RASEF: variants seen among roughly 807,000 people sequenced by gnomAD.
RASEF encodes ras and EF-hand domain-containing protein.
Under a neutral mutation model 90.1 loss-of-function variants are expected in RASEF, and 68 were observed. That is an observed-to-expected ratio of 0.75 (90% CI 0.62 to 0.92). The LOEUF is 0.92. RASEF is among the 40% of genes least tolerant of loss of function. RASEF has a pLI of 0.00. For missense variants in RASEF, 949 were observed against 937.2 expected (o/e 1.01, Z -0.16); for synonymous variants, 331 against 345.2 (o/e 0.96, Z 0.46).
At chr9:83,044,787 G>T (rs1004084696) in intron 1 of RASEF, among the ~76,000 whole-genome samples, 4 of 152,180 alleles carry the variant, frequency 2.6e-5, no homozygotes, top group Non-Finnish European at 4.4e-5. Context: ...GCTTAAACAT[G>T]TGAGTATGTT....
the RASEF span, among the ~76,000 whole-genome samples, chr9:83,097,094 C>T: frequency 5.3e-5 from 8 of 152,100 alleles, no homozygotes; most frequent in Non-Finnish European, 2.9e-5. Flanking sequence ...AATAAACATA[C>T]GTGTGCATGT....
At chr9:83,162,522 T>C in the RASEF span, among the ~76,000 whole-genome samples, 2 of 152,200 alleles carry the variant, frequency 1.3e-5, no homozygotes, top group African/African-American at 2.4e-5. Flanking sequence ...TCTACAAATA[T>C]AAAAATTAAT....
chr9:83,109,288 A>C, the RASEF span, among the ~76,000 whole-genome samples: 1 of 151,848 alleles, frequency 6.6e-6, no homozygotes, highest in African/African-American at 2.4e-5. Context: ...ATTATTTTAT[A>C]AATGGTTTAG....
chr9:82,992,929 G>T lies in RASEF; in HGVS notation c.2017C>A (p.His673Asn), dbSNP rs756792981. ...ATEGQKCVPG[H>N]FGEKLAMTYG... The stretch of plus-strand genomic sequence containing the variant: ...ACCATGGCCAGTTTCTCTCCAAAGT[G>T]CCCTGGGACACATTTTTGTCCCTCT... The change falls in exon 15 of 17, where the codon CAC (histidine) becomes AAC (asparagine). Residue 673 changes from histidine (H) to asparagine (N), a missense_variant. Coordinates refer to ENST00000376447, the MANE Select transcript of RASEF (RefSeq NM_152573.4). 4.3e-6 allele frequency: 7 copies of T among 1,613,594 alleles called. No individual in the cohort carries two copies. In the Admixed American group the frequency reaches 5.0e-5, roughly 12 times the overall value.
the RASEF span, among the ~76,000 whole-genome samples, chr9:83,147,777 T>C: frequency 2.6e-5 from 4 of 151,620 alleles, no homozygotes; most frequent in Non-Finnish European, 4.4e-5. Flanking sequence ...ATTCAGGAGG[T>C]TTTATTGAGT....
intron 14 of RASEF, among the ~76,000 whole-genome samples, chr9:82,993,363 A>G (rs1239517856): frequency 6.6e-6 from 1 of 152,202 alleles, no homozygotes; most frequent in Non-Finnish European, 1.5e-5. Flanking sequence ...TTTATGGCAA[A>G]GGAAACACAT....
chr9:83,193,492 G>A, the RASEF span, among the ~76,000 whole-genome samples: 5 of 152,184 alleles, frequency 3.3e-5, no homozygotes, highest in African/African-American at 1.2e-4. Context: ...GTTTTAGAGA[G>A]AAAATCCATT....
At chr9:83,175,975 T>A in the RASEF span, among the ~76,000 whole-genome samples, 134 of 152,354 alleles carry the variant, frequency 8.8e-4, no homozygotes, top group African/African-American at 3.0e-3. Context: ...AGAATGTGTA[T>A]TCTGCTTTTG....
At chr9:83,164,497 T>C in the RASEF span, among the ~76,000 whole-genome samples, 2 of 149,840 alleles carry the variant, frequency 1.3e-5, no homozygotes, top group African/African-American at 2.4e-5. Context: ...AAGGTGGACA[T>C]GGATTAGTTG....
intron 1 of RASEF, among the ~76,000 whole-genome samples, chr9:83,026,691 A>T (rs1829555869): frequency 6.6e-6 from 1 of 152,190 alleles, no homozygotes; most frequent in Non-Finnish European, 1.5e-5. Context: ...ACAGCAATGA[A>T]TATACCTATT....
intron 1 of RASEF, among the ~76,000 whole-genome samples, chr9:83,030,411 C>A (rs1233843989): frequency 6.6e-6 from 1 of 151,540 alleles, no homozygotes. Flanking sequence ...GCTATCTGTA[C>A]AACATCAAAA....
At chr9:83,146,142 A>C in the RASEF span, among the ~76,000 whole-genome samples, 1 of 151,398 alleles carries the variant, frequency 6.6e-6, no homozygotes, top group Non-Finnish European at 1.5e-5. Context: ...CTCAAAAGAC[A>C]TCCATATAAA....
intron 2 of RASEF, among the ~76,000 whole-genome samples, chr9:83,024,063 C>T (rs1216616215): frequency 6.6e-6 from 1 of 152,154 alleles, no homozygotes; most frequent in Non-Finnish European, 1.5e-5. Flanking sequence ...CAAAACCCTC[C>T]CCCAATTAAA....
At chr9:83,131,026 G>A in the RASEF span, among the ~76,000 whole-genome samples, 1 of 152,142 alleles carries the variant, frequency 6.6e-6, no homozygotes, top group African/African-American at 2.4e-5. Flanking sequence ...TGATGTTTCT[G>A]TAACACTCTA....
chr9:83,074,287 C>T, the RASEF span, among the ~76,000 whole-genome samples: 7 of 152,198 alleles, frequency 4.6e-5, no homozygotes, highest in Non-Finnish European at 1.0e-4. Flanking sequence ...ATGATAAATG[C>T]ATGAAAAATC....
chr9:83,159,455 A>G, the RASEF span, among the ~76,000 whole-genome samples: 1 of 152,196 alleles, frequency 6.6e-6, no homozygotes, highest in East Asian at 1.9e-4. Context: ...AAAAGCTCCA[A>G]TTATAAAAAC....
At chr9:83,187,238 G>A in the RASEF span, among the ~76,000 whole-genome samples, 10 of 151,826 alleles carry the variant, frequency 6.6e-5, no homozygotes, top group Admixed American at 3.9e-4. Context: ...CCTGTCTGGC[G>A]TGCCCCACCT....
the RASEF span, among the ~76,000 whole-genome samples, chr9:83,095,983 G>T: frequency 2.6e-5 from 4 of 152,092 alleles, no homozygotes; most frequent in Non-Finnish European, 5.9e-5. Flanking sequence ...TCCTGCATTG[G>T]TAATCTGTCA....
chr9:83,118,504 A>AT, the RASEF span, among the ~76,000 whole-genome samples: 18 of 151,798 alleles, frequency 1.2e-4, no homozygotes, highest in East Asian at 3.1e-3. Flanking sequence ...TGTTGCTTTG[A>AT]TTTTTTTTGC....
Sources: allele counts gnomAD v4.1 joint callset (sites outside exome capture counted in the v4.1 genomes callset), GRCh38; gene constraint gnomAD v4.1.1; transcripts MANE v1.5; gene names NCBI Gene and HGNC (gene_info 2026-07-23, HGNC 2026-07-21).